Variants in PHYKPL observed in about 807,000 individuals in gnomAD.
The protein encoded by PHYKPL is 5-phosphohydroxy-L-lysine phospho-lyase.
Under a neutral mutation model 51.3 loss-of-function variants are expected in PHYKPL, and 42 were observed. That is an observed-to-expected ratio of 0.82 (90% confidence interval 0.64 to 1.06). The LOEUF is 1.06. Ranked by LOEUF, PHYKPL falls within the 50% of genes least tolerant of loss-of-function variation. The pLI, the probability that PHYKPL is intolerant of heterozygous loss-of-function variation, is 0.00. For missense variants in PHYKPL, 655 were observed against 586.6 expected (o/e 1.12, Z -1.20); for synonymous variants, 264 against 236.0 (o/e 1.12, Z -1.09).
intron 2 of PHYKPL, 42 bp from the exon 3 acceptor site, chr5:178,230,141 G>C: frequency 6.2e-7 from 1 of 1,608,748 alleles, no homozygotes; most frequent in Non-Finnish European, 8.5e-7. Context: ...GCTCCACTCA[G>C]CCAGTCCCAC....
chr5:178,232,556 G>T lies in PHYKPL; in HGVS notation c.-6C>A. The stretch of plus-strand genomic sequence containing the variant: ...GGGCGCTGGTCTGCGGCCATGGTGG[G>T]TGGCCGTCAGTCGGTGCCGTGACGC... On this transcript the variant is annotated 5_prime_UTR_variant, in exon 1 of 13. Coordinates refer to ENST00000308158, the MANE Select transcript of PHYKPL (RefSeq NM_153373.4). 7.8e-7 allele frequency: 1 copy of T among 1,285,476 alleles called. No homozygotes were observed. Among genetic ancestry groups the T allele is most frequent in the Non-Finnish European group, 9.8e-7 (1 of 1,019,850 alleles). 79.6% of individuals were successfully genotyped at this position (1,285,476 alleles called of 1,614,324 possible).
chr5:178,209,509 T>C (rs973003945), intron 12 of PHYKPL: 7 of 1,406,730 alleles, frequency 5.0e-6, no homozygotes, highest in Non-Finnish European at 7.0e-6. Context: ...CTTCCAAGCC[T>C]GTCTTGGGGC....
At chr5:178,210,185 G>T in intron 12 of PHYKPL, 1 of 1,613,448 alleles carries the variant, frequency 6.2e-7, no homozygotes, top group East Asian at 2.2e-5. Flanking sequence ...CCAGGGCTAC[G>T]GCTACCAGCA....
At chr5:178,212,948 G>A (rs1405024015) in intron 11 of PHYKPL, 25 bp downstream of exon 11, 5 of 1,612,684 alleles carry the variant, frequency 3.1e-6, no homozygotes, top group Non-Finnish European at 4.2e-6. Context: ...CTAGAGATAT[G>A]GCCAAGCTCA....
chr5:178,213,835 C>T (rs1759172558), intron 10 of PHYKPL, among the ~76,000 whole-genome samples: 2 of 152,236 alleles, frequency 1.3e-5, no homozygotes, highest in African/African-American at 2.4e-5. Context: ...AGGGCTTGGA[C>T]TTTGGAGTTA....
chr5:178,214,024 G>T (rs781112880), intron 10 of PHYKPL, among the ~76,000 whole-genome samples: 7 of 152,182 alleles, frequency 4.6e-5, no homozygotes, highest in African/African-American at 7.2e-5. Context: ...TCCTGGGAGG[G>T]GGGTAGGAGT....
chr5:178,232,352 G>A (rs1250693781), intron 1 of PHYKPL, 140 bp downstream of exon 1: 1 of 1,281,702 alleles, frequency 7.8e-7, no homozygotes, highest in Non-Finnish European at 9.8e-7. Context: ...CAGCGGGGCC[G>A]GGGCAGCGGC....
intron 7 of PHYKPL, 66 bp downstream of exon 7, chr5:178,222,786 A>G: frequency 6.4e-7 from 1 of 1,554,714 alleles, no homozygotes; most frequent in Non-Finnish European, 8.8e-7. Context: ...TGGGATTTGG[A>G]CCAGAGGTTG....
At chr5:178,229,130 A>G (rs1473671300) in intron 3 of PHYKPL, among the ~76,000 whole-genome samples, 1 of 142,740 alleles carries the variant, frequency 7.0e-6, no homozygotes, top group Non-Finnish European at 1.5e-5. Context: ...TTTTTGAGAT[A>G]GAGCCTCTCT....
chr5:178,224,993 CCTT>C (rs1051559166), intron 4 of PHYKPL: 59 of 566,530 alleles, frequency 1.0e-4, no homozygotes, highest in African/African-American at 1.0e-3. Context: ...GGGATTTCCT[CCTT>C]CTGGTTTATA....
chr5:178,209,248 T>C (rs1198789826), intron 12 of PHYKPL: 8 of 1,047,628 alleles, frequency 7.6e-6, no homozygotes, highest in Non-Finnish European at 1.2e-5. Flanking sequence ...CACCATTTGA[T>C]GTTTGTCGCA....
In PHYKPL at chr5:178,211,963, T is replaced by C; in HGVS notation, c.1311A>G (p.Glu437=). The change falls in exon 12 of 13, where the codon GAA becomes GAG. Residue 437 remains glutamate (E), a synonymous_variant. Transcript: ENST00000308158. The part of the protein sequence containing the change: ...AKLDAILTDM[E]EKVRSCETLR... ...GCGTTTCACAACTTCTCACCTTCTCTTCCATGTCTGAAAAAGACCACAAAG... is the reference window on the plus strand; with the variant it reads ...GCGTTTCACAACTTCTCACCTTCTCCTCCATGTCTGAAAAAGACCACAAAG... 1 of 1,614,052 alleles carries C rather than the reference T, an allele frequency of 6.2e-7. No individual in the cohort carries two copies. Among genetic ancestry groups the C allele is most frequent in the Non-Finnish European group, 8.5e-7 (1 of 1,179,910 alleles).
downstream of PHYKPL, among the ~76,000 whole-genome samples, chr5:178,208,291 T>C (rs1327201435): frequency 1.3e-5 from 2 of 152,172 alleles, no homozygotes; most frequent in African/African-American, 2.4e-5. Context: ...GCTGGGAGTT[T>C]GGAAAGAGTG....
chr5:178,210,772 C>T (rs1758044644), intron 12 of PHYKPL: 1 of 672,816 alleles, frequency 1.5e-6, no homozygotes, highest in Non-Finnish European at 2.7e-6. Flanking sequence ...AAATCACTCT[C>T]CTGTTGACTA....
chr5:178,209,528 G>C, intron 12 of PHYKPL: 5 of 1,215,698 alleles, frequency 4.1e-6, no homozygotes, highest in Non-Finnish European at 6.1e-6. Flanking sequence ...GCTCCCTCTG[G>C]TGCTGTGCAG....
In PHYKPL at chr5:178,229,960, C is replaced by T; in HGVS notation, c.318G>A (p.Val106=). The part of the protein sequence containing the change: ...LSETLPEQLC[V]FYFLNSGSEA... The stretch of plus-strand genomic sequence containing the variant: ...CTTACCCAGAATTCAGGAAATAGAA[C>T]ACACAGAGCTGCTCCGGCAGGGTCT... The change falls in exon 3 of 13, where the codon GTG becomes GTA. Residue 106 remains valine, a synonymous_variant. Coordinates refer to ENST00000308158, the MANE Select transcript of PHYKPL (RefSeq NM_153373.4). The T allele has an allele frequency of 1.2e-6, 2 of 1,613,920 alleles. No individual in the cohort carries two copies. Among genetic ancestry groups the T allele is most frequent in the African/African-American group, 1.3e-5 (1 of 75,066 alleles).
At chr5:178,215,608 C>T (rs1431868892) in intron 8 of PHYKPL, 178 bp from the exon 9 acceptor site, 1 of 684,874 alleles carries the variant, frequency 1.5e-6, no homozygotes, top group Non-Finnish European at 2.3e-6. Context: ...CATGGGCTGT[C>T]CTGGCTTTCC....
chr5:178,220,965 T>C (rs1231405383), intron 8 of PHYKPL, among the ~76,000 whole-genome samples: 2 of 151,836 alleles, frequency 1.3e-5, no homozygotes, highest in African/African-American at 4.8e-5. Context: ...GGATTGAGAG[T>C]GATGGTTACC....
At chr5:178,228,647 T>C (rs897733261) in intron 3 of PHYKPL, 1 of 701,222 alleles carries the variant, frequency 1.4e-6, no homozygotes, top group African/African-American at 1.7e-5. Flanking sequence ...GGCAGATGTC[T>C]GTACTGTGTG....
Sources: gnomAD v4.1 joint callset for allele counts (sites outside exome capture counted in the v4.1 genomes callset) on GRCh38, gnomAD v4.1.1 for gene constraint, MANE v1.5 for transcripts, NCBI Gene and HGNC (gene_info 2026-07-23, HGNC 2026-07-21) for gene names.